Variants in USP7 observed in about 807,000 individuals in gnomAD.
USP7 encodes ubiquitin specific peptidase 7.
Under a neutral mutation model 162.9 loss-of-function variants are expected in USP7, and 9 were observed. The observed-to-expected ratio is 0.06, with a 90% CI of 0.03 to 0.10. The LOEUF (loss-of-function observed/expected upper bound fraction) is 0.10. Ranked by LOEUF, USP7 falls within the 10% of genes least tolerant of loss-of-function variation. The pLI, the probability that USP7 is intolerant of heterozygous loss-of-function variation, is 1.00. For missense variants in USP7, 715 were observed against 1,373.7 expected (o/e 0.52, Z 7.58); for synonymous variants, 562 against 475.9 (o/e 1.18, Z -2.35).
At chr16:8,936,737 C>A (rs1189566740) in intron 1 of USP7, 7 of 1,374,620 alleles carry the variant, frequency 5.1e-6, no homozygotes, top group Non-Finnish European at 6.6e-6. Context: ...TTTAAAGCAT[C>A]CCACAGAAGC....
At position 8,947,405 on chromosome 16, in the gene USP7, G is replaced by T. The variant is rs554350677; in HGVS notation, c.79+15802C>A. On this transcript the variant is annotated intron_variant, in intron 1 of 30. Coordinates refer to ENST00000344836, the MANE Select transcript of USP7 (RefSeq NM_003470.3). ...CTCTTATCACCCAGGCCGAAGTACA[G>T]TGGTGCCATCTCGGCTCACTGCAAC... 1.7e-3 allele frequency among the ~76,000 whole-genome samples: 262 copies of T among 152,034 alleles called. 3 individuals carry two copies. The highest frequency in any genetic ancestry group is 2.7e-3 in the Non-Finnish European group (185 of 68,002).
At chr16:8,902,222 CT>C in intron 17 of USP7, 35 bp from the exon 18 acceptor site, 1 of 1,608,686 alleles carries the variant, frequency 6.2e-7, no homozygotes, top group Non-Finnish European at 8.5e-7. Context: ...TTAGAAGAGT[CT>C]AATGGCTTAG....
At chr16:8,907,912 A>C (rs550462141) in intron 12 of USP7, among the ~76,000 whole-genome samples, 1 of 152,372 alleles carries the variant, frequency 6.6e-6, no homozygotes, top group South Asian at 2.1e-4. Flanking sequence ...AGCACATTCT[A>C]AAAGTTGACG....
intron 18 of USP7, among the ~76,000 whole-genome samples, chr16:8,901,728 G>C (rs376292439): frequency 1.5e-4 from 23 of 152,320 alleles, no homozygotes; most frequent in African/African-American, 4.1e-4. Flanking sequence ...GGCCGCCTTA[G>C]TACAGACAGA....
At chr16:8,901,809 G>C (rs966893752) in intron 18 of USP7, 2 of 443,846 alleles carry the variant, frequency 4.5e-6, no homozygotes, top group African/African-American at 4.0e-5. Flanking sequence ...TGCTCTTTAG[G>C]ATCTGACCAA....
rs781422551 is a variant in USP7, at chr16:8,899,685, A to G, written c.2382T>C (p.Val794=). ...TTGTTTTATCACAGAAAATGACATC[A>G]ACGCGGTGGTAGAGATCTCGGAAAT... The part of the protein sequence containing the change: ...KEYFRDLYHR[V]DVIFCDKTIP... Residue 794 remains valine, a synonymous_variant, in exon 22 of 31, where the codon GTT becomes GTC. Transcript: ENST00000344836. 1.9e-6 allele frequency: 3 copies of G among 1,614,236 alleles called. No homozygotes were observed. Among genetic ancestry groups the G allele is most frequent in the Non-Finnish European group, 1.7e-6 (2 of 1,180,018 alleles).
At chr16:8,919,708 C>A (rs1040922888) in intron 5 of USP7, among the ~76,000 whole-genome samples, 6 of 144,332 alleles carry the variant, frequency 4.2e-5, no homozygotes, top group Non-Finnish European at 6.0e-5. Flanking sequence ...TAAAAGGAAG[C>A]CACAGAGAAC....
At position 8,963,649 on chromosome 16, in the gene USP7, C is replaced by A. The variant is rs1421939638; in HGVS notation, c.-364G>T. On this transcript the variant is annotated 5_prime_UTR_variant, in exon 1 of 31. Transcript: ENST00000344836. ...TGCGGGGCCGCGGGCCGGCCGGGGGCGGAGGGCGGCCGGTCGGGGGCCGCG... is the reference window on the plus strand; with the variant it reads ...TGCGGGGCCGCGGGCCGGCCGGGGGAGGAGGGCGGCCGGTCGGGGGCCGCG... Among the ~76,000 whole-genome samples, 4 of 141,268 alleles carry A rather than the reference C, an allele frequency of 2.8e-5. No individual in the cohort carries two copies. In the East Asian group the frequency reaches 9.0e-4, roughly 32 times the overall value. The allele number at this position is 141,268 out of a possible 152,430, so 92.7% of individuals were successfully genotyped here.
At chr16:8,921,415 C>A in intron 3 of USP7, 120 bp from the exon 4 acceptor site, 3 of 1,197,356 alleles carry the variant, frequency 2.5e-6, no homozygotes, top group South Asian at 1.6e-5. Context: ...TCTCTCCTTT[C>A]GGGTTGGGGT....
At chr16:8,936,478 A>T in intron 1 of USP7, 1 of 1,214,352 alleles carries the variant, frequency 8.2e-7, no homozygotes, top group Non-Finnish European at 1.1e-6. Context: ...CAATGTCTAG[A>T]TGTATAGCCC....
chr16:8,918,957 G>A, intron 6 of USP7, 74 bp downstream of exon 6: 1 of 1,461,422 alleles, frequency 6.8e-7, no homozygotes, highest in Non-Finnish European at 9.6e-7. Context: ...TGTTTGTTGA[G>A]AGGACTTTGC....
intron 12 of USP7, among the ~76,000 whole-genome samples, chr16:8,908,098 G>A (rs149965411): frequency 6.6e-6 from 1 of 152,222 alleles, no homozygotes; most frequent in Non-Finnish European, 1.5e-5. Flanking sequence ...CCATAGCTGA[G>A]AGCAGGGCTG....
chr16:8,909,794 C>T (rs1231925749), intron 11 of USP7, among the ~76,000 whole-genome samples: 5 of 152,084 alleles, frequency 3.3e-5, no homozygotes, highest in East Asian at 1.9e-4. Flanking sequence ...GGCATAGTGG[C>T]GGGCGCCTGT....
intron 2 of USP7, chr16:8,929,409 C>G (rs907924131): frequency 6.7e-6 from 3 of 449,116 alleles, no homozygotes; most frequent in African/African-American, 6.0e-5. Flanking sequence ...AGGGGTAAAC[C>G]GCACTGTGAG....
Position 8,895,002 on chromosome 16 carries a change from G to C in USP7, c.3039+29C>G, listed in dbSNP as rs779599421. 1.9e-6 allele frequency: 3 copies of C among 1,614,130 alleles called. No homozygotes were observed. The East Asian group carries it at 6.7e-5, about 36-fold the overall frequency. Reference sequence around the variant, plus strand: ...ACTCAAAGGCTCCAGGTTTTGACGTGAGCCACTCGGCCAACCACAACAGCA... The same window carrying C: ...ACTCAAAGGCTCCAGGTTTTGACGTCAGCCACTCGGCCAACCACAACAGCA... On this transcript the variant is annotated intron_variant, in intron 28 of 30. Transcript: ENST00000344836.
At chr16:8,934,769 C>T (rs925979202) in intron 1 of USP7, among the ~76,000 whole-genome samples, 8 of 152,216 alleles carry the variant, frequency 5.3e-5, no homozygotes, top group African/African-American at 1.9e-4. Flanking sequence ...CAAAGGGCCA[C>T]TGGTTGGCCA....
rs1195429871 is a variant in USP7, at chr16:8,894,996, TG to T, written c.3039+34del. The T allele has an allele frequency of 9.9e-6, 16 of 1,613,940 alleles. No homozygotes were observed. In the African/African-American group the frequency reaches 1.9e-4, roughly 19 times the overall value. On this transcript the variant is annotated intron_variant, in intron 28 of 30. Coordinates refer to ENST00000344836, the MANE Select transcript of USP7 (RefSeq NM_003470.3). ...GCGGCCACTCAAAGGCTCCAGGTTT[TG>T]ACGTGAGCCACTCGGCCAACCACAA...
chr16:8,936,058 G>C (rs533338744), intron 1 of USP7, among the ~76,000 whole-genome samples: 1 of 152,146 alleles, frequency 6.6e-6, no homozygotes, highest in Admixed American at 6.5e-5. Context: ...GGCAGGGGGC[G>C]GGGGTCGCGA....
rs113828262 is a variant in USP7 at position 8,907,430 on chromosome 16, T to C, written c.1272-848A>G. 4.4e-3 allele frequency among the ~76,000 whole-genome samples: 666 copies of C among 152,342 alleles called. 4 individuals are homozygous for C. Among genetic ancestry groups the C allele is most frequent in the African/African-American group, 0.014 (594 of 41,576 alleles). ...ATTTGATTACACTCTCCCTTAAACC[T>C]GAAGGCTGAATGACCAACCTATATT... On this transcript the variant is annotated intron_variant, in intron 12 of 30. Coordinates refer to ENST00000344836, the MANE Select transcript of USP7 (RefSeq NM_003470.3).
Sources: allele counts gnomAD v4.1 joint callset (sites outside exome capture counted in the v4.1 genomes callset), GRCh38; gene constraint gnomAD v4.1.1; transcripts MANE v1.5; gene names NCBI Gene and HGNC (gene_info 2026-07-23, HGNC 2026-07-21).